ANKRD17: variants seen among roughly 807,000 people sequenced by gnomAD.
ANKRD17 encodes ankyrin repeat domain-containing protein 17.
ANKRD17 carries 19 observed loss-of-function variants against 229.7 expected under a neutral mutation model. The ratio of observed to expected loss-of-function variants is 0.08; its 90% CI spans 0.06 to 0.12. The LOEUF is 0.12. ANKRD17 is among the 10% of genes least tolerant of loss of function. ANKRD17 has a pLI of 1.00. For missense variants in ANKRD17, 2,176 were observed against 3,176.8 expected (o/e 0.68, Z 7.57); for synonymous variants, 1,112 against 1,146.1 (o/e 0.97, Z 0.60).
chr4:73,168,145 C>T (rs1425925018), intron 2 of ANKRD17, among the ~76,000 whole-genome samples: 5 of 149,128 alleles, frequency 3.4e-5, no homozygotes, highest in East Asian at 2.0e-4. Flanking sequence ...AGTGAGACTC[C>T]GTCTCAAAAA....
At chr4:73,191,338 T>C (rs1290149922) in intron 1 of ANKRD17, among the ~76,000 whole-genome samples, 1 of 132,910 alleles carries the variant, frequency 7.5e-6, no homozygotes, top group Non-Finnish European at 1.6e-5. Flanking sequence ...CCAAAAAATA[T>C]ATATGTGTGT....
At chr4:73,081,965 G>A (rs1475284341) in intron 30 of ANKRD17, among the ~76,000 whole-genome samples, 1 of 152,040 alleles carries the variant, frequency 6.6e-6, no homozygotes, top group African/African-American at 2.4e-5. Context: ...GGGCAACGTG[G>A]TAAAACCTCA....
intron 24 of ANKRD17, among the ~76,000 whole-genome samples, chr4:73,104,826 T>G (rs570115599): frequency 3.3e-5 from 5 of 152,252 alleles, no homozygotes; most frequent in African/African-American, 1.2e-4. Context: ...GGATTTCATT[T>G]AAGCCCATAT....
chr4:73,186,318 T>C (rs993739097), intron 1 of ANKRD17, among the ~76,000 whole-genome samples: 1 of 152,022 alleles, frequency 6.6e-6, no homozygotes, highest in Non-Finnish European at 1.5e-5. Flanking sequence ...AGACTGAAAT[T>C]TGAAAAGTTG....
At chr4:73,203,472 T>C (rs1738948934) in intron 1 of ANKRD17, among the ~76,000 whole-genome samples, 2 of 151,912 alleles carry the variant, frequency 1.3e-5, no homozygotes, top group Admixed American at 6.6e-5. Context: ...AAAGAAATAA[T>C]GTGGGCTGGG....
chr4:73,242,363 T>C (rs965052922), intron 1 of ANKRD17, among the ~76,000 whole-genome samples: 2 of 152,112 alleles, frequency 1.3e-5, no homozygotes. Flanking sequence ...AAATATACCA[T>C]ACATGATAGC....
At chr4:73,094,637 TAC>T (rs1397477666) in intron 27 of ANKRD17, among the ~76,000 whole-genome samples, 1 of 151,484 alleles carries the variant, frequency 6.6e-6, no homozygotes, top group African/African-American at 2.4e-5. Context: ...AGTATGTGTG[TAC>T]ACACACACAA....
At chr4:73,173,437 A>AGAGAG (rs1394550350) in intron 2 of ANKRD17, among the ~76,000 whole-genome samples, 3 of 152,222 alleles carry the variant, frequency 2.0e-5, no homozygotes, top group Non-Finnish European at 2.9e-5. Flanking sequence ...GAAAGATGGC[A>AGAGAG]GAGAGGAGAG....
At chr4:73,183,949 C>T (rs1735923603) in intron 1 of ANKRD17, among the ~76,000 whole-genome samples, 1 of 152,104 alleles carries the variant, frequency 6.6e-6, no homozygotes, top group African/African-American at 2.4e-5. Flanking sequence ...ACTTTCTCCC[C>T]AAATTAAGTC....
At chr4:73,102,645 T>C (rs1205598524) in intron 24 of ANKRD17, 98 bp from the exon 25 acceptor site, 5 of 1,396,922 alleles carry the variant, frequency 3.6e-6, no homozygotes, top group Non-Finnish European at 4.9e-6. Flanking sequence ...CATGATATCA[T>C]AAAATTCAAA....
At chr4:73,203,753 CG>C (rs896691118) in intron 1 of ANKRD17, among the ~76,000 whole-genome samples, 1 of 88,330 alleles carries the variant, frequency 1.1e-5, no homozygotes, top group Non-Finnish European at 2.4e-5. Context: ...AGCGAGACTC[CG>C]TCTCAAAAAA....
At chr4:73,101,559 G>C (rs1373573870) in intron 25 of ANKRD17, among the ~76,000 whole-genome samples, 1 of 151,658 alleles carries the variant, frequency 6.6e-6, no homozygotes, top group Non-Finnish European at 1.5e-5. Context: ...CAGCTACTTG[G>C]GAGGCTAAGG....
At chr4:73,212,996 C>T (rs928341368) in intron 1 of ANKRD17, among the ~76,000 whole-genome samples, 1 of 142,620 alleles carries the variant, frequency 7.0e-6, no homozygotes, top group Non-Finnish European at 1.5e-5. Flanking sequence ...CACTGCACTC[C>T]AGCTTGGGAG....
chr4:73,174,891 A>C (rs2148982056), intron 2 of ANKRD17, among the ~76,000 whole-genome samples: 1 of 152,224 alleles, frequency 6.6e-6, no homozygotes, highest in East Asian at 1.9e-4. Context: ...CTACAAGGGA[A>C]ACTATAAAAC....
At chr4:73,195,353 G>T (rs935503142) in intron 1 of ANKRD17, among the ~76,000 whole-genome samples, 6 of 151,978 alleles carry the variant, frequency 3.9e-5, no homozygotes, top group Non-Finnish European at 5.9e-5. Context: ...CTTGGTCTTG[G>T]TATCAGGGTA....
At chr4:73,257,526 A>G (rs2149296762) in intron 1 of ANKRD17, among the ~76,000 whole-genome samples, 1 of 152,348 alleles carries the variant, frequency 6.6e-6, no homozygotes, top group South Asian at 2.1e-4. Flanking sequence ...CTAAGGAAAC[A>G]TTCGAAGGCA....
chr4:73,135,787 T>C (rs1355525269), intron 15 of ANKRD17, among the ~76,000 whole-genome samples: 1 of 152,154 alleles, frequency 6.6e-6, no homozygotes, highest in African/African-American at 2.4e-5. Context: ...GACTGGGATA[T>C]AGTAATATTC....
chr4:73,207,281 AAAAGT>A (rs1210651283), intron 1 of ANKRD17, among the ~76,000 whole-genome samples: 6 of 152,314 alleles, frequency 3.9e-5, no homozygotes, highest in Admixed American at 1.3e-4. Flanking sequence ...CAATTTAAAT[AAAAGT>A]AAAGTCAGAT....
chr4:73,155,979 TA>T, intron 4 of ANKRD17, 39 bp downstream of exon 4: 1 of 1,537,222 alleles, frequency 6.5e-7, no homozygotes, highest in South Asian at 1.3e-5. Flanking sequence ...AGCCAGTTTT[TA>T]AAAAAACAAC....
Sources: allele counts gnomAD v4.1 joint callset (sites outside exome capture counted in the v4.1 genomes callset), GRCh38; gene constraint gnomAD v4.1.1; transcripts MANE v1.5; gene names NCBI Gene and HGNC (gene_info 2026-07-23, HGNC 2026-07-21).